SMARCB1: variants seen among roughly 807,000 people sequenced by gnomAD.
The protein encoded by SMARCB1 is SWI/SNF related BAF chromatin remodeling complex subunit B1.
SMARCB1 carries 5 observed loss-of-function variants against 49.0 expected under a neutral mutation model. That is an observed-to-expected ratio of 0.10 (90% CI 0.05 to 0.21). The LOEUF (loss-of-function observed/expected upper bound fraction) is 0.21, where lower values mean the gene tolerates loss of function less well. Ranked by LOEUF, SMARCB1 falls within the 10% of genes least tolerant of loss-of-function variation. The pLI, the probability that SMARCB1 is intolerant of heterozygous loss-of-function variation, is 1.00. For synonymous variants in SMARCB1, 201 were observed against 200.1 expected, an observed-to-expected ratio of 1.00 and a Z score of -0.04; for missense variants, 226 against 509.2, an observed-to-expected ratio of 0.44 and a Z score of 5.35.
chr22:23,828,594 C>T (rs1258245205), intron 7 of SMARCB1, among the ~76,000 whole-genome samples: 1 of 152,100 alleles, frequency 6.6e-6, no homozygotes, highest in Non-Finnish European at 1.5e-5. Context: ...GCGGAGATTG[C>T]AGTGAGCTGA....
chr22:23,788,694 C>T (rs1928171354), intron 1 of SMARCB1, among the ~76,000 whole-genome samples: 1 of 152,180 alleles, frequency 6.6e-6, no homozygotes, highest in African/African-American at 2.4e-5. Flanking sequence ...GTGTGAGCTA[C>T]TGCACTCACA....
In SMARCB1 at chr22:23,834,741, G is replaced by C; in HGVS notation, c.*561G>C. ...AGCCTGTTCTCCTTCCAGACCCAGAGAGCTGAGAAGAGTAGCTGTGAGGCT... is the reference window on the plus strand; with the variant it reads ...AGCCTGTTCTCCTTCCAGACCCAGACAGCTGAGAAGAGTAGCTGTGAGGCT... On this transcript the variant is annotated 3_prime_UTR_variant, in exon 9 of 9. Coordinates refer to ENST00000644036, the MANE Select transcript of SMARCB1 (RefSeq NM_003073.5). 6.7e-7 allele frequency: 1 copy of C among 1,488,410 alleles called. No individual in the cohort carries two copies. The highest frequency in any genetic ancestry group is 9.0e-7 in the Non-Finnish European group (1 of 1,117,066). 92.2% of individuals were successfully genotyped at this position (1,488,410 alleles called of 1,614,324 possible).
intron 1 of SMARCB1, among the ~76,000 whole-genome samples, chr22:23,791,183 A>G (rs1928354044): frequency 6.6e-6 from 1 of 152,206 alleles, no homozygotes; most frequent in African/African-American, 2.4e-5. Context: ...AGTATTTGCT[A>G]CAAGCAAACT....
chr22:23,794,317 C>A (rs972956261), intron 3 of SMARCB1, among the ~76,000 whole-genome samples: 6 of 152,314 alleles, frequency 3.9e-5, no homozygotes, highest in African/African-American at 9.6e-5. Context: ...TTCTAAGTTT[C>A]TTCTATATCA....
At position 23,835,258 on chromosome 22, in the gene SMARCB1, A is replaced by G. The variant is rs2030952645; in HGVS notation, c.*1078A>G. ...TAGGGAGGTGTCCCCATTCTTCAGA[A>G]TGGACACAGGATCTGGGAGGGCAGC... On this transcript the variant is annotated 3_prime_UTR_variant, in exon 9 of 9. Transcript: ENST00000644036. 1.8e-6 allele frequency: 2 copies of G among 1,117,212 alleles called. No homozygotes were observed. Among genetic ancestry groups the G allele is most frequent in the Middle Eastern group, 3.8e-4 (1 of 2,664 alleles). The allele number at this position is 1,117,212 out of a possible 1,614,324, so 69.2% of individuals were successfully genotyped here. A position where few individuals can be genotyped will look rare whatever the true frequency, so the allele number is the denominator to read the frequency against.
At chr22:23,790,782 G>T (rs1928330531) in intron 1 of SMARCB1, among the ~76,000 whole-genome samples, 1 of 152,214 alleles carries the variant, frequency 6.6e-6, no homozygotes, top group Non-Finnish European at 1.5e-5. Context: ...GTTCGAGGCT[G>T]CAGTGAGCTA....
At chr22:23,795,325 C>G (rs1042025489) in intron 3 of SMARCB1, among the ~76,000 whole-genome samples, 1 of 151,998 alleles carries the variant, frequency 6.6e-6, no homozygotes, top group Non-Finnish European at 1.5e-5. Context: ...TGTCCTCTAG[C>G]CTAGGTAACA....
chr22:23,823,428 C>G (rs1031282947), intron 6 of SMARCB1: 1 of 152,226 alleles, frequency 6.6e-6, no homozygotes, highest in African/African-American at 2.4e-5. Flanking sequence ...CAGGCGTGGG[C>G]GTATGTGGAG....
At position 23,834,833 on chromosome 22, in the gene SMARCB1, A is replaced by AGGTGCCGC. The variant is rs2030909385; in HGVS notation, c.*655_*662dup. ...CTGCTCCCCTTGCTTGGCCTCAGGA[A>AGGTGCCGC]GGTGCCGCGAGCTCTCCTGCCGTCC... On this transcript the variant is annotated 3_prime_UTR_variant, in exon 9 of 9. Transcript: ENST00000644036. The AGGTGCCGC allele has an allele frequency of 6.2e-7, 1 of 1,611,346 alleles. No homozygotes were observed. The highest frequency in any genetic ancestry group is 8.5e-7 in the Non-Finnish European group (1 of 1,179,202).
intron 2 of SMARCB1, 171 bp from the exon 3 acceptor site, chr22:23,793,388 C>G (rs1489811120): frequency 2.6e-6 from 2 of 763,240 alleles, no homozygotes; most frequent in Non-Finnish European, 4.7e-6. Flanking sequence ...AAGTAAAGCA[C>G]TCAGTCCAGA....
In SMARCB1 at chr22:23,834,343, C is replaced by G; in HGVS notation, c.*163C>G. Reference sequence around the variant, plus strand: ...CAGGTGGCCCTTCCCGGCACACATTCCATTTGTTGAGCCCCAGTCCTGCCC... The same window carrying G: ...CAGGTGGCCCTTCCCGGCACACATTGCATTTGTTGAGCCCCAGTCCTGCCC... On this transcript the variant is annotated 3_prime_UTR_variant, in exon 9 of 9. Coordinates refer to ENST00000644036, the MANE Select transcript of SMARCB1 (RefSeq NM_003073.5). The G allele has an allele frequency of 3.9e-6, 3 of 770,230 alleles. No individual in the cohort carries two copies. Among genetic ancestry groups the G allele is most frequent in the Non-Finnish European group, 2.2e-6 (1 of 448,054 alleles). 47.7% of individuals were successfully genotyped at this position (770,230 alleles called of 1,614,324 possible).
At chr22:23,792,418 G>GA in intron 2 of SMARCB1, 1 of 280,374 alleles carries the variant, frequency 3.6e-6, no homozygotes, top group South Asian at 3.8e-5. Flanking sequence ...GTACACTAGT[G>GA]AAACTAGTGG....
At chr22:23,793,709 G>T (rs752238486) in intron 3 of SMARCB1, 21 bp downstream of exon 3, 1 of 1,613,500 alleles carries the variant, frequency 6.2e-7, no homozygotes, top group Non-Finnish European at 8.5e-7. Context: ...CCTGGCCAGG[G>T]CATCTCTGGG....
chr22:23,819,652 A>T (rs1265117026), intron 6 of SMARCB1, among the ~76,000 whole-genome samples: 2 of 150,968 alleles, frequency 1.3e-5, no homozygotes, highest in African/African-American at 4.9e-5. Flanking sequence ...CCCTGCTTTC[A>T]TTTCTTTTGG....
At chr22:23,812,338 TC>T (rs755489483) in intron 5 of SMARCB1, among the ~76,000 whole-genome samples, 7 of 151,296 alleles carry the variant, frequency 4.6e-5, no homozygotes, top group African/African-American at 1.7e-4. Flanking sequence ...AAAACAATTC[TC>T]CCCCCCAAAA....
Position 23,837,320 on chromosome 22 carries a change from A to G in SMARCB1, c.*3140A>G, listed in dbSNP as rs911562537. On this transcript the variant is annotated 3_prime_UTR_variant, in exon 9 of 9. Transcript: ENST00000644036. Reference sequence around the variant, plus strand: ...GCCAGCCCCGGGTTGGCCGTGAAGGACAAGCTTAAAAGGCCCAGAAGCAGG... The same window carrying G: ...GCCAGCCCCGGGTTGGCCGTGAAGGGCAAGCTTAAAAGGCCCAGAAGCAGG... The G allele has an allele frequency of 3.3e-6, 3 of 910,472 alleles. No homozygotes were observed. The highest frequency in any genetic ancestry group is 5.7e-5 in the Admixed American group (2 of 35,342). 56.4% of individuals were successfully genotyped at this position (910,472 alleles called of 1,614,324 possible). A position where few individuals can be genotyped will look rare whatever the true frequency, so the allele number is the denominator to read the frequency against.
At chr22:23,822,318 G>A (rs750502923) in intron 6 of SMARCB1, among the ~76,000 whole-genome samples, 16 of 152,180 alleles carry the variant, frequency 1.1e-4, no homozygotes, top group East Asian at 1.9e-4. Context: ...TCCAGGCCCC[G>A]TCCAGAGAGT....
At chr22:23,817,424 G>C (rs1253589252) in intron 6 of SMARCB1, 1 of 177,470 alleles carries the variant, frequency 5.6e-6, no homozygotes, top group Non-Finnish European at 1.2e-5. Context: ...AATCCTTGCT[G>C]TGCTGAGCCG....
In SMARCB1 at chr22:23,835,023, C is replaced by A; in HGVS notation, c.*843C>A. On this transcript the variant is annotated 3_prime_UTR_variant, in exon 9 of 9. Transcript: ENST00000644036. ...TTCTAGCTCCAGTGGCACCCATAGC[C>A]AGGTCAGCTGGGGCCCTTTCCCACC... 7.0e-7 allele frequency: 1 copy of A among 1,428,756 alleles called. No homozygotes were observed. 88.5% of individuals were successfully genotyped at this position (1,428,756 alleles called of 1,614,324 possible). A position where few individuals can be genotyped will look rare whatever the true frequency, so the allele number is the denominator to read the frequency against.
Sources: allele counts gnomAD v4.1 joint callset (sites outside exome capture counted in the v4.1 genomes callset), GRCh38; gene constraint gnomAD v4.1.1; transcripts MANE v1.5; gene names NCBI Gene and HGNC (gene_info 2026-07-23, HGNC 2026-07-21).